NOX4: variants seen among roughly 807,000 people sequenced by gnomAD.
NOX4 encodes the protein kidney oxidase-1.
NOX4 carries 69 observed loss-of-function variants against 87.6 expected under a neutral mutation model. The ratio of observed to expected loss-of-function variants is 0.79; its 90% confidence interval spans 0.65 to 0.96. NOX4 has a LOEUF of 0.96. Ranked by LOEUF, NOX4 falls within the 40% of genes least tolerant of loss-of-function variation. The pLI is 0.00. For missense variants in NOX4, 680 were observed against 681.5 expected (o/e 1.00, Z 0.02); for synonymous variants, 275 against 238.2 (o/e 1.15, Z -1.42).
At chr11:89,571,324 G>C in the NOX4 span, among the ~76,000 whole-genome samples, 1 of 134,780 alleles carries the variant, frequency 7.4e-6, no homozygotes, top group African/African-American at 2.8e-5. Flanking sequence ...TTTTTTTTTC[G>C]AGACGGAGTC....
intron 12 of NOX4, among the ~76,000 whole-genome samples, chr11:89,358,084 G>T (rs1462258745): frequency 6.6e-6 from 1 of 151,908 alleles, no homozygotes; most frequent in Non-Finnish European, 1.5e-5. Context: ...AGCTATCGTG[G>T]TTGTCAAAAA....
chr11:89,436,947 T>C (rs752089637), intron 6 of NOX4, among the ~76,000 whole-genome samples: 2 of 152,124 alleles, frequency 1.3e-5, no homozygotes, highest in African/African-American at 4.8e-5. Context: ...CTTTATTTTT[T>C]ACAAGACAAT....
At chr11:89,563,062 G>C in the NOX4 span, among the ~76,000 whole-genome samples, 1 of 152,104 alleles carries the variant, frequency 6.6e-6, no homozygotes, top group Admixed American at 6.6e-5. Context: ...CTTCTGCCAT[G>C]ATTGTAAGTT....
chr11:89,459,830 C>CA (rs952629634), intron 2 of NOX4, among the ~76,000 whole-genome samples: 3 of 152,018 alleles, frequency 2.0e-5, no homozygotes, highest in Admixed American at 6.5e-5. Flanking sequence ...CATATGGAAC[C>CA]AAAAAAGAGC....
At chr11:89,540,640 T>G in the NOX4 span, among the ~76,000 whole-genome samples, 66 of 151,478 alleles carry the variant, frequency 4.4e-4, no homozygotes, top group African/African-American at 1.4e-3. Context: ...ACAAAAAAAT[T>G]AGCCGGGCAT....
intron 17 of NOX4, among the ~76,000 whole-genome samples, chr11:89,332,647 C>T (rs1464882784): frequency 6.6e-6 from 1 of 151,838 alleles, no homozygotes; most frequent in African/African-American, 2.4e-5. Context: ...CCCTACCTCC[C>T]ATCTAAGGGG....
chr11:89,557,800 G>A, the NOX4 span, among the ~76,000 whole-genome samples: 1 of 151,924 alleles, frequency 6.6e-6, no homozygotes, highest in African/African-American at 2.4e-5. Context: ...ATGAGAACAG[G>A]GTAAATGACT....
At chr11:89,571,547 G>A in the NOX4 span, among the ~76,000 whole-genome samples, 69 of 152,000 alleles carry the variant, frequency 4.5e-4, no homozygotes, top group African/African-American at 9.6e-5. Context: ...TGCCCGCCTG[G>A]GCCTCCCAAA....
At chr11:89,448,583 G>A (rs1197643443) in intron 4 of NOX4, among the ~76,000 whole-genome samples, 2 of 152,038 alleles carry the variant, frequency 1.3e-5, no homozygotes, top group African/African-American at 4.8e-5. Flanking sequence ...ATTTCACATT[G>A]TAATTTTCAT....
intron 12 of NOX4, among the ~76,000 whole-genome samples, chr11:89,358,583 AAAT>A (rs1277552041): frequency 6.6e-6 from 1 of 151,604 alleles, no homozygotes; most frequent in Non-Finnish European, 1.5e-5. Flanking sequence ...TTCTTTATAA[AAAT>A]AGATAAATGA....
intron 2 of NOX4, among the ~76,000 whole-genome samples, chr11:89,471,527 T>C (rs887971198): frequency 6.6e-6 from 1 of 152,102 alleles, no homozygotes; most frequent in Non-Finnish European, 1.5e-5. Context: ...TTGGAAAAAA[T>C]TTATTTTTCC....
chr11:89,462,595 A>C, intron 2 of NOX4, among the ~76,000 whole-genome samples: 1 of 152,100 alleles, frequency 6.6e-6, no homozygotes, highest in Admixed American at 6.5e-5. Context: ...TGTCAGATTA[A>C]TGGGAAAAGA....
chr11:89,412,824 C>G (rs895330765), intron 8 of NOX4, among the ~76,000 whole-genome samples: 5 of 151,898 alleles, frequency 3.3e-5, no homozygotes, highest in Non-Finnish European at 4.4e-5. Context: ...CAAAAATAGA[C>G]AAATGGAATT....
intron 11 of NOX4, among the ~76,000 whole-genome samples, chr11:89,377,151 A>T (rs1939907050): frequency 6.6e-6 from 1 of 152,232 alleles, no homozygotes; most frequent in African/African-American, 2.4e-5. Flanking sequence ...AAATTTTAGG[A>T]ATACTAACTT....
intron 15 of NOX4, among the ~76,000 whole-genome samples, chr11:89,337,727 T>A (rs576777178): frequency 6.6e-6 from 1 of 152,216 alleles, no homozygotes; most frequent in Non-Finnish European, 1.5e-5. Flanking sequence ...TATTAATTAG[T>A]TCTGATGGTG....
chr11:89,484,488 A>T (rs2135479751), intron 2 of NOX4, among the ~76,000 whole-genome samples: 1 of 152,232 alleles, frequency 6.6e-6, no homozygotes, highest in South Asian at 2.1e-4. Flanking sequence ...TAGTCCATAC[A>T]GTGTGGGGTT....
the NOX4 span, among the ~76,000 whole-genome samples, chr11:89,558,775 C>G: frequency 1.7e-4 from 26 of 152,030 alleles, no homozygotes; most frequent in Admixed American, 1.7e-3. Context: ...TTGTCAGATT[C>G]TTTTATCAGA....
chr11:89,387,698 C>T (rs1432178566), intron 11 of NOX4, among the ~76,000 whole-genome samples: 1 of 152,130 alleles, frequency 6.6e-6, no homozygotes, highest in Non-Finnish European at 1.5e-5. Context: ...AAAATAATGT[C>T]TACCTCAGCT....
upstream of NOX4, among the ~76,000 whole-genome samples, chr11:89,492,809 T>A (rs972306917): frequency 1.3e-5 from 2 of 152,162 alleles, no homozygotes; most frequent in Non-Finnish European, 2.9e-5. Flanking sequence ...AAGCTTTAAT[T>A]TCAATAGATG....
Sources: allele counts gnomAD v4.1 joint callset (sites outside exome capture counted in the v4.1 genomes callset), GRCh38; gene constraint gnomAD v4.1.1; transcripts MANE v1.5; gene names NCBI Gene and HGNC (gene_info 2026-07-23, HGNC 2026-07-21).